The following DCP1A variants were observed in gnomAD, a reference collection of about 807,000 sequenced individuals.
The protein encoded by DCP1A is decapping mRNA 1A, also known as mRNA-decapping enzyme 1A.
DCP1A carries 20 observed loss-of-function variants against 58.0 expected under a neutral mutation model. That is an observed-to-expected ratio of 0.34 (90% CI 0.24 to 0.50). The LOEUF is 0.50. Among genes scored for constraint, DCP1A ranks in the 20% least tolerant of loss-of-function variants. The pLI is 0.98. For synonymous variants in DCP1A, 285 were observed against 275.1 expected (o/e 1.04, Z -0.36); for missense variants, 613 against 712.2 (o/e 0.86, Z 1.59).
At chr3:53,327,400 A>C (rs1175921174) in intron 3 of DCP1A, among the ~76,000 whole-genome samples, 1 of 152,228 alleles carries the variant, frequency 6.6e-6, no homozygotes, top group Non-Finnish European at 1.5e-5. Flanking sequence ...TCATTTTATC[A>C]CAAGAAAAAT....
intron 6 of DCP1A, among the ~76,000 whole-genome samples, chr3:53,296,390 C>T (rs1368480979): frequency 6.6e-6 from 1 of 152,168 alleles, no homozygotes; most frequent in Non-Finnish European, 1.5e-5. Context: ...TATTTCAAAC[C>T]CATTCCATCT....
chr3:53,290,749 TAAAAAAAA>T (rs61290855), intron 8 of DCP1A, 34 bp downstream of exon 8: 110 of 682,740 alleles, frequency 1.6e-4, no homozygotes, highest in Middle Eastern at 6.3e-4. Context: ...CGACTAGTCT[TAAAAAAAA>T]AAAAAAAAAA....
chr3:53,313,590 GAAT>G (rs1398183651), intron 4 of DCP1A, among the ~76,000 whole-genome samples: 1 of 151,996 alleles, frequency 6.6e-6, no homozygotes, highest in Non-Finnish European at 1.5e-5. Context: ...TTTCAAGCTT[GAAT>G]AATAAATTTT....
chr3:53,304,749 T>TTC (rs1303286264), intron 5 of DCP1A, among the ~76,000 whole-genome samples: 95 of 151,976 alleles, frequency 6.3e-4, no homozygotes, highest in Non-Finnish European at 3.2e-4. Flanking sequence ...GTTTTTCTTT[T>TTC]TTTTTTTGTA....
intron 3 of DCP1A, chr3:53,329,321 C>CAGTGAT: frequency 2.5e-6 from 1 of 398,438 alleles, no homozygotes; most frequent in Non-Finnish European, 4.4e-6. Context: ...AATGAACCTC[C>CAGTGAT]CTACTTTTTC....
chr3:53,309,633 G>T lies in DCP1A; in HGVS notation c.510+2608C>A, dbSNP rs1707584733. On this transcript the variant is annotated intron_variant, in intron 5 of 9. Transcript: ENST00000610213. ...AACAAAATTATCCAAGCATGGTGAT[G>T]CATGGCCTATAGTCGTGGCTAATTG... 3.3e-5 allele frequency among the ~76,000 whole-genome samples: 5 copies of T among 152,220 alleles called. No individual in the cohort carries two copies. The South Asian group carries it at 1.0e-3, about 32-fold the overall frequency.
intron 4 of DCP1A, among the ~76,000 whole-genome samples, chr3:53,313,865 C>T (rs541726465): frequency 3.9e-4 from 59 of 151,210 alleles, no homozygotes; most frequent in East Asian, 1.2e-3. Context: ...AATATTAAAC[C>T]GACTTAAAAA....
In DCP1A at chr3:53,283,882, C is replaced by T. The variant is rs1553684760; in HGVS notation, c.*3698G>A. On this transcript the variant is annotated 3_prime_UTR_variant, in exon 10 of 10. Coordinates refer to ENST00000610213, the MANE Select transcript of DCP1A (RefSeq NM_018403.7). ...ACAAAACGGAGGGAATCACTGCACA[C>T]ATCTGTTGAATTTGCTGAAAAACAG... 1 of 152,198 alleles carries T rather than the reference C, an allele frequency of 6.6e-6. No individual in the cohort carries two copies. The highest frequency in any genetic ancestry group is 1.9e-4 in the East Asian group (1 of 5,204). 9.4% of individuals were successfully genotyped at this position (152,198 alleles called of 1,614,324 possible).
In DCP1A at chr3:53,347,531, G is replaced by A; in HGVS notation, c.-14C>T. ...CAGCGCCTCCATCTTGAATCCCAGA[G>A]CCTAGCCCCTCTGGTGGGGGCGGAG... On this transcript the variant is annotated 5_prime_UTR_variant, in exon 1 of 10. Coordinates refer to ENST00000610213, the MANE Select transcript of DCP1A (RefSeq NM_018403.7). The A allele has an allele frequency of 6.2e-7, 1 of 1,601,392 alleles. No individual in the cohort carries two copies. Among genetic ancestry groups the A allele is most frequent in the South Asian group, 1.1e-5 (1 of 89,988 alleles).
chr3:53,337,750 G>A (rs1304943262), intron 3 of DCP1A, among the ~76,000 whole-genome samples: 4 of 152,218 alleles, frequency 2.6e-5, no homozygotes, highest in African/African-American at 9.7e-5. Flanking sequence ...TTTGATTCAG[G>A]TATGGCACAA....
chr3:53,290,921 C>G (rs1553685909), intron 7 of DCP1A, 65 bp from the exon 8 acceptor site: 2 of 1,392,406 alleles, frequency 1.4e-6, no homozygotes, highest in African/African-American at 2.9e-5. Context: ...ACTTCCTAGT[C>G]TTAATTGAAA....
At chr3:53,290,699 AT>A (rs781953588) in intron 8 of DCP1A, 91 bp downstream of exon 8, 2 of 1,115,618 alleles carry the variant, frequency 1.8e-6, no homozygotes, top group South Asian at 2.7e-5. Context: ...TACAGACCAA[AT>A]TCCTTGTTCT....
chr3:53,342,941 CAAT>C (rs782469430), intron 2 of DCP1A, among the ~76,000 whole-genome samples: 1 of 152,152 alleles, frequency 6.6e-6, no homozygotes, highest in African/African-American at 2.4e-5. Flanking sequence ...CCCATCATTA[CAAT>C]AATGTTTTTC....
Position 53,312,144 on chromosome 3 carries a change from C to G in DCP1A, c.510+97G>C, listed in dbSNP as rs1208752192. On this transcript the variant is annotated intron_variant, in intron 5 of 9. Coordinates refer to ENST00000610213, the MANE Select transcript of DCP1A (RefSeq NM_018403.7). ...TTTTGAACTTATATTTCTGCCGTCC[C>G]TGGAGGCCAGCTTCCCTAGTAAAAT... The G allele has an allele frequency of 6.5e-6, 9 of 1,375,366 alleles. No homozygotes were observed. In the African/African-American group the frequency reaches 1.3e-4, roughly 20 times the overall value. 85.2% of individuals were successfully genotyped at this position (1,375,366 alleles called of 1,614,324 possible).
At chr3:53,305,937 T>C (rs1236498472) in intron 5 of DCP1A, among the ~76,000 whole-genome samples, 2 of 152,198 alleles carry the variant, frequency 1.3e-5, no homozygotes, top group East Asian at 1.9e-4. Context: ...TAGATGGACA[T>C]GGAATTATGG....
intron 2 of DCP1A, among the ~76,000 whole-genome samples, chr3:53,343,598 G>T (rs1174614632): frequency 6.6e-6 from 1 of 152,092 alleles, no homozygotes; most frequent in African/African-American, 2.4e-5. Context: ...TGAGGGTAAA[G>T]ATCCTTTCCT....
intron 3 of DCP1A, among the ~76,000 whole-genome samples, chr3:53,320,126 T>TA (rs879969801): frequency 0.016 from 2,270 of 139,016 alleles, 62 homozygotes; most frequent in African/African-American, 0.055. Flanking sequence ...AGACTCCATC[T>TA]AAAAAAAAAA....
chr3:53,312,209 T>G lies in DCP1A; in HGVS notation c.510+32A>C, dbSNP rs1463890786. ...CTCCTCCTCCCGTTTTGGTCTTCCCTGGTCAGCACCCAAGTACCCAGAGAG... is the reference window on the plus strand; with the variant it reads ...CTCCTCCTCCCGTTTTGGTCTTCCCGGGTCAGCACCCAAGTACCCAGAGAG... On this transcript the variant is annotated intron_variant, in intron 5 of 9. Transcript: ENST00000610213. 2.6e-6 allele frequency: 4 copies of G among 1,546,472 alleles called. No individual in the cohort carries two copies. The African/African-American group carries it at 5.5e-5, about 21-fold the overall frequency.
At chr3:53,329,908 A>C (rs1032737599) in intron 3 of DCP1A, among the ~76,000 whole-genome samples, 29 of 152,248 alleles carry the variant, frequency 1.9e-4, no homozygotes, top group Non-Finnish European at 3.8e-4. Context: ...AAAGTAAAAC[A>C]ATCATTGTTT....
Sources: allele counts gnomAD v4.1 joint callset (sites outside exome capture counted in the v4.1 genomes callset), GRCh38; gene constraint gnomAD v4.1.1; transcripts MANE v1.5; gene names NCBI Gene and HGNC (gene_info 2026-07-23, HGNC 2026-07-21).